ST3GAL1: variants seen among roughly 807,000 people sequenced by gnomAD.
ST3GAL1 encodes the protein ST3 beta-galactoside alpha-2,3-sialyltransferase 1, also known as CMP-N-acetylneuraminate-beta-galactosamide-alpha-2,3-sialyltransferase 1.
Under a neutral mutation model 34.1 loss-of-function variants are expected in ST3GAL1, and 16 were observed. That is an observed-to-expected ratio of 0.47 (90% CI 0.32 to 0.71). The LOEUF (loss-of-function observed/expected upper bound fraction) is 0.71, where lower values mean the gene tolerates loss of function less well. Ranked by LOEUF, ST3GAL1 falls within the 30% of genes least tolerant of loss-of-function variation. The pLI, the probability that ST3GAL1 is intolerant of heterozygous loss-of-function variation, is 0.04. For synonymous variants in ST3GAL1, 191 were observed against 184.7 expected, an observed-to-expected ratio of 1.03 and a Z score of -0.28; for missense variants, 353 against 447.4, an observed-to-expected ratio of 0.79 and a Z score of 1.90.
chr8:133,486,526 A>G (rs1464216032), intron 3 of ST3GAL1, among the ~76,000 whole-genome samples: 7 of 152,238 alleles, frequency 4.6e-5, no homozygotes, highest in Admixed American at 4.6e-4. Flanking sequence ...GAGGGGAGCC[A>G]GACCCGTTTC....
At chr8:133,494,540 G>A (rs1816882605) in intron 3 of ST3GAL1, among the ~76,000 whole-genome samples, 1 of 152,096 alleles carries the variant, frequency 6.6e-6, no homozygotes, top group Non-Finnish European at 1.5e-5. Flanking sequence ...AGCCTCTCCT[G>A]GCCTCTTCCA....
Position 133,539,993 on chromosome 8 carries a change from A to T in ST3GAL1, c.-429+5781T>A, listed in dbSNP as rs554529661. On this transcript the variant is annotated intron_variant, in intron 2 of 9. Transcript: ENST00000522652. Reference sequence around the variant, plus strand: ...TCTGTTTTACCTCCAGTGCTCAGCCAAGTGCCAGTGAGCTGGAAGGCACTC... The same window carrying T: ...TCTGTTTTACCTCCAGTGCTCAGCCTAGTGCCAGTGAGCTGGAAGGCACTC... 1.1e-4 allele frequency among the ~76,000 whole-genome samples: 16 copies of T among 152,344 alleles called. No homozygotes were observed. In the East Asian group the frequency reaches 3.1e-3, roughly 29 times the overall value.
intron 1 of ST3GAL1, among the ~76,000 whole-genome samples, chr8:133,557,693 C>CA (rs1341178067): frequency 1.3e-4 from 20 of 152,082 alleles, no homozygotes; most frequent in African/African-American, 4.8e-4. Context: ...ACTAAAAATA[C>CA]AAAAATTAGC....
intron 5 of ST3GAL1, among the ~76,000 whole-genome samples, chr8:133,475,015 G>A (rs1368642970): frequency 1.3e-5 from 2 of 152,228 alleles, no homozygotes; most frequent in African/African-American, 2.4e-5. Flanking sequence ...GCTAGTCACC[G>A]GAATCTGTGA....
rs549573806 is a variant in ST3GAL1 at position 133,557,137 on chromosome 8, G to C, written c.-581-11211C>G. On this transcript the variant is annotated intron_variant, in intron 1 of 9. Coordinates refer to ENST00000522652, the MANE Select transcript of ST3GAL1 (RefSeq NM_173344.3). ...CCTGATTAGACAGTGAATGGGCCTA[G>C]AATGACCAGTATGTGGTATTTCCTG... 5.0e-4 allele frequency among the ~76,000 whole-genome samples: 76 copies of C among 152,308 alleles called. 1 individual carries two copies. Among genetic ancestry groups the C allele is most frequent in the African/African-American group, 1.7e-3 (71 of 41,570 alleles).
At chr8:133,506,960 A>T (rs1420184247) in intron 2 of ST3GAL1, among the ~76,000 whole-genome samples, 1 of 149,124 alleles carries the variant, frequency 6.7e-6, no homozygotes, top group Non-Finnish European at 1.5e-5. Context: ...AATAAATAAT[A>T]AATAAAAATA....
At chr8:133,535,625 T>C (rs568215777) in intron 2 of ST3GAL1, among the ~76,000 whole-genome samples, 78 of 152,172 alleles carry the variant, frequency 5.1e-4, no homozygotes, top group African/African-American at 1.8e-3. Context: ...ACTAGGACTA[T>C]AGATGCACAT....
intron 2 of ST3GAL1, among the ~76,000 whole-genome samples, chr8:133,541,110 T>A (rs1448149147): frequency 2.4e-5 from 1 of 42,044 alleles, no homozygotes; most frequent in African/African-American, 1.3e-4. Context: ...TATATATATA[T>A]ATATATATAT....
chr8:133,504,242 G>C (rs536559367), intron 2 of ST3GAL1, among the ~76,000 whole-genome samples: 195 of 152,318 alleles, frequency 1.3e-3, no homozygotes, highest in African/African-American at 4.4e-3. Flanking sequence ...CTCAGAACTT[G>C]GACTAGAACC....
intron 1 of ST3GAL1, among the ~76,000 whole-genome samples, chr8:133,568,160 A>G (rs1289489946): frequency 6.6e-6 from 1 of 152,090 alleles, no homozygotes; most frequent in Non-Finnish European, 1.5e-5. Flanking sequence ...ACCTCAAATG[A>G]TCCACCCACC....
At chr8:133,477,552 G>A (rs1816225948) in intron 3 of ST3GAL1, among the ~76,000 whole-genome samples, 2 of 148,436 alleles carry the variant, frequency 1.3e-5, no homozygotes, top group African/African-American at 2.5e-5. Context: ...GGAACAGGGG[G>A]TTGGGGGGCT....
chr8:133,547,520 C>T (rs193045860), intron 1 of ST3GAL1, among the ~76,000 whole-genome samples: 27 of 152,274 alleles, frequency 1.8e-4, no homozygotes, highest in South Asian at 6.2e-4. Context: ...CCAGCTGCTG[C>T]TGGAAATCAT....
intron 8 of ST3GAL1, among the ~76,000 whole-genome samples, chr8:133,463,205 C>T (rs909732944): frequency 3.9e-5 from 6 of 152,206 alleles, no homozygotes; most frequent in South Asian, 2.1e-4. Context: ...GACAAACTCC[C>T]GGGTGATGCT....
intron 3 of ST3GAL1, among the ~76,000 whole-genome samples, chr8:133,481,826 T>G (rs1199886765): frequency 6.6e-6 from 1 of 151,920 alleles, no homozygotes; most frequent in Non-Finnish European, 1.5e-5. Flanking sequence ...GTTTTCTGCT[T>G]GGTTTCTTAG....
At chr8:133,476,651 T>C (rs570539832) in intron 3 of ST3GAL1, 51 bp from the exon 4 acceptor site, 2 of 152,208 alleles carry the variant, frequency 1.3e-5, no homozygotes, top group Admixed American at 6.5e-5. Flanking sequence ...GATCCTGCTA[T>C]AAAAAATGTT....
chr8:133,512,898 A>T (rs2978028), intron 2 of ST3GAL1, among the ~76,000 whole-genome samples: 39,232 of 152,128 alleles, frequency 0.26, 5,300 homozygotes, highest in African/African-American at 0.31. Flanking sequence ...AGGAGCTAAG[A>T]GTAAAATTCA....
chr8:133,534,642 C>T (rs900182264), intron 2 of ST3GAL1, among the ~76,000 whole-genome samples: 2 of 152,320 alleles, frequency 1.3e-5, no homozygotes, highest in Admixed American at 6.5e-5. Context: ...ACATGGGGTC[C>T]GCCCATTTCC....
chr8:133,475,673 A>G, intron 5 of ST3GAL1, 46 bp downstream of exon 5: 1 of 1,510,500 alleles, frequency 6.6e-7, no homozygotes, highest in Non-Finnish European at 8.9e-7. Context: ...CTCTCAGTCC[A>G]CACCCCAACT....
intron 2 of ST3GAL1, among the ~76,000 whole-genome samples, chr8:133,513,001 A>C (rs1420851603): frequency 1.3e-5 from 2 of 152,174 alleles, no homozygotes; most frequent in Non-Finnish European, 2.9e-5. Context: ...CCATAGAAGG[A>C]AGCTGGAGGG....
Sources: allele counts gnomAD v4.1 joint callset (sites outside exome capture counted in the v4.1 genomes callset), GRCh38; gene constraint gnomAD v4.1.1; transcripts MANE v1.5; gene names NCBI Gene and HGNC (gene_info 2026-07-23, HGNC 2026-07-21).